Variants in CDH4 observed in about 807,000 individuals in gnomAD.
CDH4 encodes cadherin 4.
In CDH4, 33 loss-of-function variants were observed where a neutral mutation model predicts 86.0. The observed-to-expected ratio is 0.38, with a 90% confidence interval of 0.29 to 0.51. The LOEUF (loss-of-function observed/expected upper bound fraction) is 0.51. Ranked by LOEUF, CDH4 falls within the 20% of genes least tolerant of loss-of-function variation. The probability of loss-of-function intolerance (pLI) is 0.86; values close to 1 mark genes in which losing one functional copy is unlikely to be tolerated. For synonymous variants in CDH4, 555 were observed against 549.4 expected (o/e 1.01, Z -0.14); for missense variants, 1,114 against 1,307.4 (o/e 0.85, Z 2.28).
At chr20:61,529,101 A>T (rs1055139710) in intron 2 of CDH4, among the ~76,000 whole-genome samples, 1 of 152,214 alleles carries the variant, frequency 6.6e-6, no homozygotes, top group African/African-American at 2.4e-5. Context: ...GACCATTTTC[A>T]TGGTGAGACA....
At chr20:61,487,479 G>A (rs542778157) in intron 2 of CDH4, among the ~76,000 whole-genome samples, 1 of 152,152 alleles carries the variant, frequency 6.6e-6, no homozygotes, top group Non-Finnish European at 1.5e-5. Context: ...TAAGTACCAT[G>A]AGCTTCAGCC....
chr20:61,629,335 C>G (rs2086862350), intron 2 of CDH4, among the ~76,000 whole-genome samples: 1 of 152,074 alleles, frequency 6.6e-6, no homozygotes, highest in South Asian at 2.1e-4. Flanking sequence ...CTGGGAGCAG[C>G]CGGCAGGGAG....
At chr20:61,900,559 G>A (rs2122889538) in intron 8 of CDH4, among the ~76,000 whole-genome samples, 1 of 152,318 alleles carries the variant, frequency 6.6e-6, no homozygotes, top group South Asian at 2.1e-4. Flanking sequence ...CAGGACACAG[G>A]CCCAGAGACG....
chr20:61,480,075 T>C lies in CDH4; in HGVS notation c.169+225138T>C, dbSNP rs2085560527. ...GTCTTGATCTGTCGATGTTTTCTTC[T>C]GCATTCTTCAACAAATACGGGATAT... On this transcript the variant is annotated intron_variant, in intron 2 of 15. Transcript: ENST00000614565. The surrounding 1 kb of genome is among the most constrained non-coding windows in gnomAD (Gnocchi z 5.2). Among the ~76,000 whole-genome samples the C allele has an allele frequency of 6.6e-6, 1 of 152,260 alleles. No homozygotes were observed. Among genetic ancestry groups the C allele is most frequent in the Admixed American group, 6.5e-5 (1 of 15,292 alleles).
chr20:61,261,127 A>T (rs76119213), intron 2 of CDH4, among the ~76,000 whole-genome samples: 48 of 152,288 alleles, frequency 3.2e-4, no homozygotes, highest in African/African-American at 1.1e-3. Flanking sequence ...GCTGCTACCC[A>T]GGAGGAATCT....
At chr20:61,737,851 G>A (rs1370178075) in intron 2 of CDH4, among the ~76,000 whole-genome samples, 2 of 152,200 alleles carry the variant, frequency 1.3e-5, no homozygotes, top group African/African-American at 4.8e-5. Context: ...TGTGCTCAGA[G>A]AGGGACCACC....
intron 2 of CDH4, among the ~76,000 whole-genome samples, chr20:61,262,043 G>A (rs566355610): frequency 6.6e-5 from 10 of 152,212 alleles, no homozygotes; most frequent in Non-Finnish European, 1.0e-4. Flanking sequence ...AGAAGAGTCC[G>A]GCTGGTCCTG....
chr20:61,403,626 T>TGGACCTCAGGCATGC (rs1334356385), intron 2 of CDH4, among the ~76,000 whole-genome samples: 1 of 152,190 alleles, frequency 6.6e-6, no homozygotes, highest in Non-Finnish European at 1.5e-5. Flanking sequence ...TGTTTCTGCC[T>TGGACCTCAGGCATGC]GGACCTCAGG....
intron 2 of CDH4, among the ~76,000 whole-genome samples, chr20:61,593,786 AC>A (rs960160064): frequency 6.7e-6 from 1 of 150,210 alleles, no homozygotes; most frequent in Non-Finnish European, 1.5e-5. Flanking sequence ...ACATAGTAGA[AC>A]CCCCTGGGGA....
chr20:61,637,742 C>T (rs113149845), intron 2 of CDH4, among the ~76,000 whole-genome samples: 10,247 of 152,136 alleles, frequency 0.067, 472 homozygotes, highest in African/African-American at 0.11. Flanking sequence ...AAAATATGGC[C>T]GGGTGTGGTG....
chr20:61,564,268 C>T (rs1352815547), intron 2 of CDH4, among the ~76,000 whole-genome samples: 1 of 152,162 alleles, frequency 6.6e-6, no homozygotes, highest in Non-Finnish European at 1.5e-5. Flanking sequence ...CACTGTTCAC[C>T]CCACTCTGGC....
chr20:61,820,632 C>T (rs1165832809), intron 4 of CDH4, among the ~76,000 whole-genome samples: 2 of 152,232 alleles, frequency 1.3e-5, no homozygotes, highest in Non-Finnish European at 1.5e-5. Flanking sequence ...GGCTCCCACA[C>T]AGCAGTGCCA....
chr20:61,491,752 G>A (rs1321689196), intron 2 of CDH4, among the ~76,000 whole-genome samples: 1 of 152,170 alleles, frequency 6.6e-6, no homozygotes, highest in Non-Finnish European at 1.5e-5. Context: ...TGATGTTGCT[G>A]ATGTTGGTGC....
chr20:61,895,165 G>A (rs993260989), intron 8 of CDH4, 118 bp downstream of exon 8: 33 of 1,230,146 alleles, frequency 2.7e-5, no homozygotes, highest in African/African-American at 4.5e-5. Flanking sequence ...GGCAGATAGC[G>A]TGTAAGAAAG....
At chr20:61,396,821 T>C (rs1600938533) in intron 2 of CDH4, among the ~76,000 whole-genome samples, 1 of 152,100 alleles carries the variant, frequency 6.6e-6, no homozygotes, top group Non-Finnish European at 1.5e-5. Flanking sequence ...AGCCCTGGGG[T>C]GGGGAGGGAT....
chr20:61,866,672 T>A (rs1983564248), intron 6 of CDH4, among the ~76,000 whole-genome samples: 1 of 152,144 alleles, frequency 6.6e-6, no homozygotes. Flanking sequence ...CCAGCAGGTG[T>A]GTTGGGTGTG....
intron 3 of CDH4, among the ~76,000 whole-genome samples, chr20:61,758,388 G>T (rs1376889966): frequency 6.6e-6 from 1 of 152,210 alleles, no homozygotes; most frequent in African/African-American, 2.4e-5. Context: ...CCTGGGCCCT[G>T]CCCGTATTGT....
At chr20:61,626,787 C>A (rs1001242765) in intron 2 of CDH4, among the ~76,000 whole-genome samples, 4 of 152,204 alleles carry the variant, frequency 2.6e-5, no homozygotes, top group African/African-American at 7.2e-5. Flanking sequence ...AGGAAGGCAG[C>A]CATTGTAACT....
intron 2 of CDH4, among the ~76,000 whole-genome samples, chr20:61,315,195 G>A (rs2084469671): frequency 6.6e-6 from 1 of 152,140 alleles, no homozygotes; most frequent in African/African-American, 2.4e-5. Flanking sequence ...TGCAGTGATT[G>A]AATGGGTTGG....
Sources: gnomAD v4.1 joint callset for allele counts (sites outside exome capture counted in the v4.1 genomes callset) on GRCh38, gnomAD v4.1.1 for gene constraint, Gnocchi (gnomAD v3.1) non-coding constraint, MANE v1.5 for transcripts, NCBI Gene and HGNC (gene_info 2026-07-23, HGNC 2026-07-21) for gene names.